The following ZEB2 variants were observed in gnomAD, a reference collection of about 807,000 sequenced individuals.
ZEB2 encodes the protein zinc finger E-box-binding homeobox 2.
Under a neutral mutation model 99.9 loss-of-function variants are expected in ZEB2, and 6 were observed. That is an observed-to-expected ratio of 0.06 (90% CI 0.03 to 0.12). ZEB2 has a LOEUF of 0.12. ZEB2 is among the 10% of genes least tolerant of loss of function. The pLI is 1.00. For missense variants in ZEB2, 969 were observed against 1,502.8 expected (o/e 0.64, Z 5.87); for synonymous variants, 517 against 542.5 (o/e 0.95, Z 0.65).
At chr2:144,488,039 T>C (rs1704623759) in intron 2 of ZEB2, among the ~76,000 whole-genome samples, 1 of 152,170 alleles carries the variant, frequency 6.6e-6, no homozygotes, top group Admixed American at 6.5e-5. Flanking sequence ...GGGTGGGAGA[T>C]CACATGGATG....
chr2:144,514,972 C>T (rs1437642852), intron 2 of ZEB2, among the ~76,000 whole-genome samples: 1 of 152,178 alleles, frequency 6.6e-6, no homozygotes, highest in East Asian at 1.9e-4. Flanking sequence ...CCCAACGGGC[C>T]TCCCTCTCTG....
At chr2:144,487,397 T>C (rs1299738056) in intron 2 of ZEB2, among the ~76,000 whole-genome samples, 3 of 152,124 alleles carry the variant, frequency 2.0e-5, no homozygotes, top group African/African-American at 4.8e-5. Flanking sequence ...TGGTAAGTGA[T>C]TGTGGTAGAT....
In ZEB2 at chr2:144,389,550, T is replaced by C; in HGVS notation, c.3546A>G (p.Glu1182=). 1 of 1,614,158 alleles carries C rather than the reference T, an allele frequency of 6.2e-7. No individual in the cohort carries two copies. ...MDTDPETIRD[E]EETGDHSMDD... is the part of the protein sequence containing the mutation. ...CCATGGAGTGATCTCCAGTCTCTTC[T>C]TCATCTCGTATCGTTTCGGGATCCG... Residue 1182 remains glutamate, a synonymous_variant, in exon 10 of 10, where the codon GAA becomes GAG. Transcript: ENST00000627532. The surrounding 1 kb of genome is among the most constrained non-coding windows in gnomAD (Gnocchi z 6.8).
At chr2:144,445,980 C>T (rs1271358780) in intron 2 of ZEB2, among the ~76,000 whole-genome samples, 1 of 152,142 alleles carries the variant, frequency 6.6e-6, no homozygotes, top group Non-Finnish European at 1.5e-5. Context: ...GCATTTGTTG[C>T]ATCAGCCTTT....
chr2:144,470,547 T>C (rs1193181030), intron 2 of ZEB2: 1 of 152,166 alleles, frequency 6.6e-6, no homozygotes, highest in African/African-American at 2.4e-5. Context: ...GCCTGTAATA[T>C]TGTCTCCAGA....
chr2:144,444,984 G>A (rs1371356637), intron 2 of ZEB2: 1 of 152,082 alleles, frequency 6.6e-6, no homozygotes, highest in African/African-American at 2.4e-5. Flanking sequence ...TCATTCTAAT[G>A]GCACAACCCC....
intron 2 of ZEB2, chr2:144,512,169 G>A: frequency 7.8e-7 from 1 of 1,287,218 alleles, no homozygotes; most frequent in South Asian, 1.2e-5. Context: ...TTGTCTGTGA[G>A]CATTGCAAAC....
chr2:144,419,560 A>G lies in ZEB2; in HGVS notation c.403+5236T>C, dbSNP rs147056486. On this transcript the variant is annotated intron_variant, in intron 4 of 9. Transcript: ENST00000627532. Reference sequence around the variant, plus strand: ...TGCTAATGATCACCATGCACCTAAGATAGCTCCTTGTTACTACTAGCACGT... The same window carrying G: ...TGCTAATGATCACCATGCACCTAAGGTAGCTCCTTGTTACTACTAGCACGT... Among the ~76,000 whole-genome samples the G allele has an allele frequency of 2.0e-3, 308 of 152,332 alleles. 2 individuals are homozygous for G. Among genetic ancestry groups the G allele is most frequent in the Admixed American group, 4.8e-3 (73 of 15,302 alleles).
At chr2:144,406,900 A>G (rs1484057717) in intron 4 of ZEB2, among the ~76,000 whole-genome samples, 1 of 152,176 alleles carries the variant, frequency 6.6e-6, no homozygotes, top group African/African-American at 2.4e-5. Flanking sequence ...GGAATTGATG[A>G]TGGAGATGAA....
chr2:144,432,102 T>C (rs1157130402), intron 2 of ZEB2, among the ~76,000 whole-genome samples: 4 of 151,980 alleles, frequency 2.6e-5, no homozygotes, highest in Non-Finnish European at 2.9e-5. Flanking sequence ...AATTGAAATA[T>C]TTTCTTGTGG....
chr2:144,400,372 A>G (rs1675419858), intron 7 of ZEB2, 102 bp from the exon 8 acceptor site: 11 of 1,272,588 alleles, frequency 8.6e-6, no homozygotes, highest in Non-Finnish European at 1.2e-5. Context: ...AAGGAACACA[A>G]TGGGGTACCT....
intron 2 of ZEB2, among the ~76,000 whole-genome samples, chr2:144,437,354 C>G (rs994610678): frequency 5.9e-5 from 9 of 152,202 alleles, no homozygotes; most frequent in African/African-American, 1.7e-4. Flanking sequence ...TGTACATCTA[C>G]TGCCAATAAT....
chr2:144,395,053 T>G (rs912227054), intron 9 of ZEB2, among the ~76,000 whole-genome samples: 1 of 146,412 alleles, frequency 6.8e-6, no homozygotes, highest in Admixed American at 7.0e-5. Context: ...TGAGGTGCAG[T>G]GGCACAATCA....
chr2:144,446,495 A>C (rs1703986501), intron 2 of ZEB2, among the ~76,000 whole-genome samples: 2 of 152,220 alleles, frequency 1.3e-5, no homozygotes, highest in Middle Eastern at 3.4e-3. Context: ...TACACCTTTC[A>C]TCTTCAGGAC....
chr2:144,474,478 T>C (rs1573781893), intron 2 of ZEB2, among the ~76,000 whole-genome samples: 1 of 152,334 alleles, frequency 6.6e-6, no homozygotes, highest in East Asian at 1.9e-4. Context: ...TATGTTGTTA[T>C]TGTTTCAATT....
intron 2 of ZEB2, chr2:144,513,238 T>C (rs1705071608): frequency 7.8e-7 from 1 of 1,287,586 alleles, no homozygotes; most frequent in Non-Finnish European, 1.0e-6. Flanking sequence ...AAGGAAGTGG[T>C]AAAGAGTGAG....
chr2:144,472,803 G>A (rs750207390), intron 2 of ZEB2, among the ~76,000 whole-genome samples: 1 of 151,068 alleles, frequency 6.6e-6, no homozygotes, highest in African/African-American at 2.4e-5. Context: ...GTGTGAGAAC[G>A]ATAAAAAAAG....
At chr2:144,436,887 G>C (rs2149894071) in intron 2 of ZEB2, among the ~76,000 whole-genome samples, 1 of 152,250 alleles carries the variant, frequency 6.6e-6, no homozygotes, top group East Asian at 1.9e-4. Context: ...CTTTCAAGAA[G>C]ACACGGTATT....
intron 4 of ZEB2, among the ~76,000 whole-genome samples, chr2:144,408,232 G>A (rs915652844): frequency 6.6e-6 from 1 of 152,186 alleles, no homozygotes; most frequent in Admixed American, 6.5e-5. Context: ...AGGCTCTCAA[G>A]AATCATTTAT....
Sources: gnomAD v4.1 joint callset for allele counts (sites outside exome capture counted in the v4.1 genomes callset) on GRCh38, gnomAD v4.1.1 for gene constraint, Gnocchi (gnomAD v3.1) non-coding constraint, MANE v1.5 for transcripts, NCBI Gene and HGNC (gene_info 2026-07-23, HGNC 2026-07-21) for gene names.